ABI3BP: variants seen among roughly 807,000 people sequenced by gnomAD.
The protein encoded by ABI3BP is target of Nesh-SH3.
In ABI3BP, 216 loss-of-function variants were observed where a neutral mutation model predicts 268.6. That is an observed-to-expected ratio of 0.80 (90% CI 0.72 to 0.90). ABI3BP has a LOEUF of 0.90. Ranked by LOEUF, ABI3BP falls within the 40% of genes least tolerant of loss-of-function variation. The probability of loss-of-function intolerance (pLI) is 0.00; values close to 1 mark genes in which losing one functional copy is unlikely to be tolerated. For missense variants in ABI3BP, 2,090 were observed against 2,182.4 expected, an observed-to-expected ratio of 0.96 and a Z score of 0.84; for synonymous variants, 730 against 730.0, an observed-to-expected ratio of 1.00 and a Z score of 0.00.
At chr3:100,939,747 AG>A (rs1240051717) in intron 1 of ABI3BP, among the ~76,000 whole-genome samples, 3 of 152,112 alleles carry the variant, frequency 2.0e-5, no homozygotes, top group Non-Finnish European at 4.4e-5. Context: ...ATCAGGAGAC[AG>A]GGTTTTGAGA....
chr3:100,866,941 A>C lies in ABI3BP; in HGVS notation c.926T>G (p.Leu309Trp), dbSNP rs369376979. The change falls in exon 10 of 68, where the codon TTG (leucine) becomes TGG (tryptophan). Residue 309 changes from leucine (L) to tryptophan (W), a missense_variant. Coordinates refer to ENST00000471714, the MANE Select transcript of ABI3BP (RefSeq NM_001375547.2). ...LKTQLAKNET[L>W]ALPAESKTPE... ...TGTTTTAGATTCGGCAGGTAATGCC[A>C]AGGTTTCATTCTTAGCTAAAAAGTC... 6 of 1,613,706 alleles carry C rather than the reference A, an allele frequency of 3.7e-6. No homozygotes were observed. The East Asian group carries it at 6.7e-5, about 18-fold the overall frequency.
At chr3:100,903,490 T>A (rs954246361) in intron 2 of ABI3BP, among the ~76,000 whole-genome samples, 2 of 152,236 alleles carry the variant, frequency 1.3e-5, no homozygotes, top group African/African-American at 4.8e-5. Context: ...GCAACTCTAC[T>A]GGATTAATGG....
intron 20 of ABI3BP, chr3:100,843,631 G>A: frequency 2.0e-6 from 2 of 984,196 alleles, no homozygotes; most frequent in Non-Finnish European, 2.4e-6. Flanking sequence ...ATGTGAGAGA[G>A]AGTGTGTGAG....
At chr3:100,855,205 C>T (rs1045348934) in intron 14 of ABI3BP, among the ~76,000 whole-genome samples, 3 of 152,182 alleles carry the variant, frequency 2.0e-5, no homozygotes, top group Admixed American at 2.0e-4. Context: ...GGATTACAGG[C>T]ACAAGCCACT....
chr3:100,840,027 A>G (rs1560659002), intron 23 of ABI3BP, 45 bp downstream of exon 23: 6 of 1,408,708 alleles, frequency 4.3e-6, no homozygotes, highest in Middle Eastern at 1.8e-4. Flanking sequence ...AGAAGCTGCC[A>G]TATTCCACTT....
Position 100,862,379 on chromosome 3 carries a change from C to T in ABI3BP, c.1217G>A (p.Ser406Asn), listed in dbSNP as rs748825394. 1.3e-6 allele frequency: 2 copies of T among 1,585,408 alleles called. No homozygotes were observed. The highest frequency in any genetic ancestry group is 1.7e-4 in the Middle Eastern group (1 of 5,966). The change falls in exon 14 of 68, where the codon AGT becomes AAT. Residue 406 changes from serine to asparagine, a missense_variant. Physicochemically the swap from Ser to Asn is conservative, Grantham distance 46 (BLOSUM62 1). Coordinates refer to ENST00000471714, the MANE Select transcript of ABI3BP (RefSeq NM_001375547.2). ...TGTAGGCACAATCCATGGCTTTTCA[C>T]TTGAAGCTATATTGAAAAGAAATGG... ...FEKPRGTLAS[S>N]EKPWIVPTAK...
chr3:100,904,690 G>A (rs139785447), intron 2 of ABI3BP, among the ~76,000 whole-genome samples: 2,283 of 152,298 alleles, frequency 0.015, 50 homozygotes, highest in East Asian at 0.052. Flanking sequence ...TCAGAGAAAT[G>A]CAAATCAAAA....
chr3:100,992,120 GCTTGTTT>G lies in ABI3BP; in HGVS notation c.79+1179_79+1185del, dbSNP rs1002154323. ...TCTTGGTAGAAAAAGATCTAAGAGT[GCTTGTTT>G]TTTATTTTTCTTTAATTATTTGATC... On this transcript the variant is annotated intron_variant, in intron 1 of 67. Transcript: ENST00000471714. 2.0e-5 allele frequency among the ~76,000 whole-genome samples: 3 copies of G among 152,108 alleles called. 1 individual carries two copies. Among genetic ancestry groups the G allele is most frequent in the Admixed American group, 1.3e-4 (2 of 15,266 alleles).
intron 24 of ABI3BP, among the ~76,000 whole-genome samples, 160 bp downstream of exon 24, chr3:100,839,409 C>T (rs920785396): frequency 6.6e-6 from 1 of 152,146 alleles, no homozygotes; most frequent in African/African-American, 2.4e-5. Flanking sequence ...TTAGAACTCT[C>T]CTATCTTTAG....
rs192416779 is a variant in ABI3BP, at chr3:100,778,134, G to A, written c.4333+150C>T. ...AAGAATCAGGTTGTAAGTCCTGAAA[G>A]CCATCATTTACAGTGTCTAGTCTTC... On this transcript the variant is annotated intron_variant, in intron 59 of 67. Coordinates refer to ENST00000471714, the MANE Select transcript of ABI3BP (RefSeq NM_001375547.2). 2.2e-5 allele frequency: 16 copies of A among 732,318 alleles called. 1 individual carries two copies. The East Asian group carries it at 4.3e-4, about 20-fold the overall frequency. 45.4% of individuals were successfully genotyped at this position (732,318 alleles called of 1,614,324 possible).
chr3:100,799,399 C>T (rs905394351), intron 51 of ABI3BP, among the ~76,000 whole-genome samples: 1 of 152,132 alleles, frequency 6.6e-6, no homozygotes, highest in Non-Finnish European at 1.5e-5. Context: ...TTTAGTTATT[C>T]TGCTTGGGAA....
intron 34 of ABI3BP, among the ~76,000 whole-genome samples, chr3:100,827,556 C>A (rs558261564): frequency 3.3e-4 from 50 of 152,220 alleles, no homozygotes; most frequent in Middle Eastern, 3.4e-3. Context: ...TCTTATGCTT[C>A]TGCACATCAT....
intron 1 of ABI3BP, among the ~76,000 whole-genome samples, chr3:100,940,785 A>ACT (rs1285219399): frequency 2.0e-3 from 22 of 10,910 alleles, no homozygotes; most frequent in Non-Finnish European, 3.8e-3. Flanking sequence ...AAATTACTTC[A>ACT]CTATATATAT....
At chr3:100,956,192 C>G (rs1472428476) in intron 1 of ABI3BP, among the ~76,000 whole-genome samples, 1 of 141,020 alleles carries the variant, frequency 7.1e-6, no homozygotes, top group East Asian at 2.1e-4. Flanking sequence ...CAGACTCTGT[C>G]TCAAAAAAAA....
rs565494016 is a variant in ABI3BP, at chr3:100,763,072, A to G, written c.4850+2769T>C. Among the ~76,000 whole-genome samples the G allele has an allele frequency of 2.6e-5, 4 of 152,318 alleles. No homozygotes were observed. In the East Asian group the frequency reaches 7.7e-4, roughly 29 times the overall value. On this transcript the variant is annotated intron_variant, in intron 63 of 67. Transcript: ENST00000471714. ...TAAGCCACATATAATAGACACACTG[A>G]ATGACCTCAAATTAGTGCCAGTGGT... is the stretch of plus-strand genomic sequence containing the variant.
intron 1 of ABI3BP, among the ~76,000 whole-genome samples, chr3:100,946,780 C>T (rs1006924991): frequency 6.8e-6 from 1 of 146,264 alleles, no homozygotes; most frequent in African/African-American, 2.5e-5. Context: ...AAGAGTGAAA[C>T]TCCGTTTCAA....
chr3:100,840,054 C>A lies in ABI3BP; in HGVS notation c.1897+18G>T. The A allele has an allele frequency of 6.6e-7, 1 of 1,520,536 alleles. No individual in the cohort carries two copies. The highest frequency in any genetic ancestry group is 1.2e-5 in the South Asian group (1 of 83,702). The allele number at this position is 1,520,536 out of a possible 1,614,324, so 94.2% of individuals were successfully genotyped here. On this transcript the variant is annotated intron_variant, in intron 23 of 67. Coordinates refer to ENST00000471714, the MANE Select transcript of ABI3BP (RefSeq NM_001375547.2). Reference sequence around the variant, plus strand: ...ATTCCACTTTCTATGTTAATTGGAACCTGAATATCACATTTACCGGGTTTG... The same window carrying A: ...ATTCCACTTTCTATGTTAATTGGAAACTGAATATCACATTTACCGGGTTTG...
chr3:100,783,174 G>C (rs1425704270), intron 57 of ABI3BP, among the ~76,000 whole-genome samples: 1 of 152,160 alleles, frequency 6.6e-6, no homozygotes, highest in Non-Finnish European at 1.5e-5. Flanking sequence ...ATGGATGATT[G>C]GTTTCTGCAC....
chr3:100,984,667 T>A (rs2091013059), intron 1 of ABI3BP, among the ~76,000 whole-genome samples: 1 of 152,132 alleles, frequency 6.6e-6, no homozygotes, highest in South Asian at 2.1e-4. Context: ...ACTATAACAA[T>A]CTTGCTGTGG....
Sources: allele counts gnomAD v4.1 joint callset (sites outside exome capture counted in the v4.1 genomes callset), GRCh38; gene constraint gnomAD v4.1.1; transcripts MANE v1.5; gene names NCBI Gene and HGNC (gene_info 2026-07-23, HGNC 2026-07-21).